TRMT11: variants seen among roughly 807,000 people sequenced by gnomAD.
TRMT11 encodes the protein tRNA (guanine(10)-N(2))-methyltransferase TRMT11.
A neutral mutation model predicts 62.8 loss-of-function variants in TRMT11; 53 were observed. The ratio of observed to expected loss-of-function variants is 0.84; its 90% CI spans 0.68 to 1.06. The LOEUF (loss-of-function observed/expected upper bound fraction) is 1.06. Ranked by LOEUF, TRMT11 falls within the 50% of genes least tolerant of loss-of-function variation. The probability of loss-of-function intolerance (pLI) is 0.00; values close to 1 mark genes in which losing one functional copy is unlikely to be tolerated. For synonymous variants in TRMT11, 188 were observed against 190.3 expected (o/e 0.99, Z 0.10); for missense variants, 556 against 553.4 (o/e 1.00, Z -0.05).
intron 6 of TRMT11, among the ~76,000 whole-genome samples, chr6:125,999,010 G>A: frequency 6.6e-6 from 1 of 150,740 alleles, no homozygotes; most frequent in Non-Finnish European, 1.5e-5. Flanking sequence ...AGAGTGCTGT[G>A]GTAGTTGAGG....
chr6:126,128,704 C>G (rs1006488904), intron 21 of TRMT11, among the ~76,000 whole-genome samples: 1 of 151,984 alleles, frequency 6.6e-6, no homozygotes, highest in Non-Finnish European at 1.5e-5. Context: ...CATTTCAAAT[C>G]ACAAATAAGC....
intron 17 of TRMT11, among the ~76,000 whole-genome samples, chr6:126,103,205 C>A (rs1053601456): frequency 1.4e-4 from 22 of 152,178 alleles, no homozygotes; most frequent in African/African-American, 5.3e-4. Flanking sequence ...CATAAATGGT[C>A]CTACGCTAAT....
chr6:126,067,266 G>T (rs1776721572), intron 17 of TRMT11, among the ~76,000 whole-genome samples: 1 of 150,644 alleles, frequency 6.6e-6, no homozygotes, highest in African/African-American at 2.4e-5. Flanking sequence ...TCAATAAATT[G>T]TCACAAAGTT....
chr6:126,269,115 T>G, the TRMT11 span, among the ~76,000 whole-genome samples: 1 of 150,366 alleles, frequency 6.7e-6, no homozygotes, highest in South Asian at 2.1e-4. Flanking sequence ...TACAAAAAAA[T>G]TAGCCGGGCG....
At chr6:126,033,194 G>A (rs762907251) in intron 12 of TRMT11, among the ~76,000 whole-genome samples, 12 of 152,096 alleles carry the variant, frequency 7.9e-5, no homozygotes, top group Non-Finnish European at 5.9e-5. Flanking sequence ...AGAATCTTTC[G>A]TATGTTGGAA....
At chr6:126,234,776 T>A in the TRMT11 span, among the ~76,000 whole-genome samples, 2 of 152,188 alleles carry the variant, frequency 1.3e-5, no homozygotes, top group Admixed American at 6.5e-5. Flanking sequence ...CTTCTAAGGT[T>A]GTGATTAAAG....
chr6:125,986,656 G>C, intron 1 of TRMT11, 34 bp downstream of exon 1: 1 of 1,555,942 alleles, frequency 6.4e-7, no homozygotes, highest in Non-Finnish European at 8.7e-7. Flanking sequence ...ACTTCCGACG[G>C]AAGAGGACGC....
the TRMT11 span, among the ~76,000 whole-genome samples, chr6:126,266,314 A>G: frequency 6.6e-6 from 1 of 152,166 alleles, no homozygotes; most frequent in Non-Finnish European, 1.5e-5. Context: ...TGAACTTTTA[A>G]TATATGACTA....
intron 21 of TRMT11, among the ~76,000 whole-genome samples, chr6:126,163,566 A>G (rs981704203): frequency 3.3e-5 from 5 of 152,186 alleles, no homozygotes; most frequent in African/African-American, 1.2e-4. Context: ...TGCTGGCCTC[A>G]TAAAATGATT....
At chr6:125,998,853 G>C (rs1386327215) in intron 6 of TRMT11, among the ~76,000 whole-genome samples, 169 bp downstream of exon 6, 1 of 152,098 alleles carries the variant, frequency 6.6e-6, no homozygotes, top group African/African-American at 2.4e-5. Context: ...TGTTTTCCCA[G>C]AGATTCTTAA....
upstream of TRMT11, among the ~76,000 whole-genome samples, chr6:126,176,819 C>T (rs1272156585): frequency 6.6e-6 from 1 of 152,062 alleles, no homozygotes; most frequent in African/African-American, 2.4e-5. Context: ...ATTGTTTACT[C>T]TATTAAGGTG....
intron 17 of TRMT11, among the ~76,000 whole-genome samples, chr6:126,075,772 A>G (rs1273627090): frequency 6.7e-6 from 1 of 150,012 alleles, no homozygotes; most frequent in East Asian, 1.9e-4. Context: ...TCCCACTCAA[A>G]TAAAGTTTAT....
chr6:126,181,636 C>T (rs1778467994), intron 1 of TRMT11, among the ~76,000 whole-genome samples: 1 of 152,108 alleles, frequency 6.6e-6, no homozygotes, highest in South Asian at 2.1e-4. Context: ...GAAAAGGGCA[C>T]CATTGTTCCA....
chr6:126,212,255 A>G, the TRMT11 span, among the ~76,000 whole-genome samples: 8 of 152,320 alleles, frequency 5.3e-5, no homozygotes, highest in African/African-American at 1.9e-4. Context: ...TCTCTTTGAT[A>G]TACTGATTTC....
chr6:126,006,401 C>T lies in TRMT11; in HGVS notation c.680-1991C>T, dbSNP rs116212813. Among the ~76,000 whole-genome samples, 200 of 152,036 alleles carry T rather than the reference C, an allele frequency of 1.3e-3. 1 individual carries two copies. Among genetic ancestry groups the T allele is most frequent in the African/African-American group, 4.7e-3 (193 of 41,486 alleles). On this transcript the variant is annotated intron_variant, in intron 7 of 12. Transcript: ENST00000334379. ...GAAAATCATGAATTAGTTTTTACATCATGGAATAAATTCAATTCTTATTGT... is the reference window on the plus strand; with the variant it reads ...GAAAATCATGAATTAGTTTTTACATTATGGAATAAATTCAATTCTTATTGT...
chr6:126,240,615 C>G, the TRMT11 span, among the ~76,000 whole-genome samples: 16 of 152,126 alleles, frequency 1.1e-4, no homozygotes, highest in Admixed American at 3.9e-4. Context: ...GTCAGTCTGC[C>G]CCTACTGGGG....
At chr6:126,095,231 A>G (rs1777327506) in intron 17 of TRMT11, among the ~76,000 whole-genome samples, 1 of 152,366 alleles carries the variant, frequency 6.6e-6, no homozygotes, top group East Asian at 1.9e-4. Flanking sequence ...TTTCTAAGTG[A>G]TAATTTAAGC....
chr6:126,127,021 C>CA (rs924020208), intron 21 of TRMT11, among the ~76,000 whole-genome samples: 1 of 152,076 alleles, frequency 6.6e-6, no homozygotes, highest in African/African-American at 2.4e-5. Context: ...ATACACTCAA[C>CA]AAAAAATCAA....
chr6:126,142,953 G>A (rs905839847), intron 21 of TRMT11, among the ~76,000 whole-genome samples: 6 of 151,902 alleles, frequency 3.9e-5, no homozygotes, highest in African/African-American at 1.2e-4. Context: ...AAAATAATAT[G>A]CAATAAACTT....
Sources: allele counts gnomAD v4.1 joint callset (sites outside exome capture counted in the v4.1 genomes callset), GRCh38; gene constraint gnomAD v4.1.1; transcripts MANE v1.5; gene names NCBI Gene and HGNC (gene_info 2026-07-23, HGNC 2026-07-21).